Variants in ATP2C1 observed in about 807,000 individuals in gnomAD.
The protein encoded by ATP2C1 is ATPase secretory pathway Ca2+ transporting 1, also known as calcium-transporting ATPase type 2C member 1.
Under a neutral mutation model 120.5 loss-of-function variants are expected in ATP2C1, and 31 were observed. The observed-to-expected ratio is 0.26, with a 90% CI of 0.19 to 0.35. The LOEUF (loss-of-function observed/expected upper bound fraction) is 0.35. ATP2C1 is among the 10% of genes least tolerant of loss of function. The pLI, the probability that ATP2C1 is intolerant of heterozygous loss-of-function variation, is 1.00. For synonymous variants in ATP2C1, 351 were observed against 358.7 expected (o/e 0.98, Z 0.24); for missense variants, 731 against 1,107.5 (o/e 0.66, Z 4.83).
At chr3:130,865,495 G>A (rs377448149) in intron 1 of ATP2C1, among the ~76,000 whole-genome samples, 1 of 152,144 alleles carries the variant, frequency 6.6e-6, no homozygotes, top group Non-Finnish European at 1.5e-5. Flanking sequence ...GAGGGCCCAG[G>A]AGCAGAATAA....
intron 27 of ATP2C1, 42 bp from the exon 28 acceptor site, chr3:131,001,178 A>T (rs771145887): frequency 6.4e-7 from 1 of 1,564,768 alleles, no homozygotes; most frequent in African/African-American, 1.4e-5. Flanking sequence ...TGCAACTGTA[A>T]GTTTCAAAGA....
intron 2 of ATP2C1, among the ~76,000 whole-genome samples, chr3:130,912,410 AAAAC>A (rs1454758722): frequency 1.2e-3 from 176 of 151,894 alleles, no homozygotes; most frequent in African/African-American, 4.1e-3. Flanking sequence ...TTACAAGAAA[AAAAC>A]AAACAACCCC....
intron 4 of ATP2C1, 55 bp from the exon 5 acceptor site, chr3:130,934,567 G>T (rs907223608): frequency 5.6e-5 from 64 of 1,146,338 alleles, no homozygotes; most frequent in Non-Finnish European, 7.1e-5. Context: ...AGCCTTTGCT[G>T]AGAGAACTGT....
At chr3:130,911,096 T>C (rs1260523964) in intron 2 of ATP2C1, among the ~76,000 whole-genome samples, 1 of 151,702 alleles carries the variant, frequency 6.6e-6, no homozygotes, top group Non-Finnish European at 1.5e-5. Context: ...TTTTGGTTGG[T>C]AAACTATTGA....
intron 17 of ATP2C1, among the ~76,000 whole-genome samples, chr3:130,974,097 C>G (rs1158772224): frequency 6.6e-6 from 1 of 152,088 alleles, no homozygotes; most frequent in Non-Finnish European, 1.5e-5. Flanking sequence ...TTATCTGCTT[C>G]TTTGTTGTTG....
At chr3:130,917,894 A>G (rs946678576) in intron 2 of ATP2C1, among the ~76,000 whole-genome samples, 68 of 151,274 alleles carry the variant, frequency 4.5e-4, no homozygotes, top group African/African-American at 1.6e-3. Flanking sequence ...TTATGCAGTC[A>G]TTTGTCTTTT....
intron 1 of ATP2C1, among the ~76,000 whole-genome samples, chr3:130,864,296 G>A (rs1237882780): frequency 6.6e-6 from 1 of 152,162 alleles, no homozygotes; most frequent in Non-Finnish European, 1.5e-5. Flanking sequence ...AGATGATTTA[G>A]GGTATCTGAC....
chr3:130,912,580 A>G (rs1299159548), intron 2 of ATP2C1, among the ~76,000 whole-genome samples: 6 of 138,708 alleles, frequency 4.3e-5, no homozygotes, highest in African/African-American at 5.6e-5. Context: ...TTAGAATGGC[A>G]ATCATTAAAA....
At chr3:130,877,870 A>G (rs923055218) in intron 1 of ATP2C1, among the ~76,000 whole-genome samples, 4 of 152,244 alleles carry the variant, frequency 2.6e-5, no homozygotes, top group Non-Finnish European at 4.4e-5. Context: ...TCACAATAGC[A>G]AAGACTTGGA....
chr3:130,996,241 A>G (rs2062616674), intron 23 of ATP2C1, 130 bp downstream of exon 23: 1 of 757,600 alleles, frequency 1.3e-6, no homozygotes, highest in African/African-American at 1.8e-5. Flanking sequence ...AGTTTTCCAA[A>G]AAGAAAATTT....
intron 1 of ATP2C1, among the ~76,000 whole-genome samples, chr3:130,887,354 C>A (rs990736305): frequency 6.6e-6 from 1 of 152,126 alleles, no homozygotes; most frequent in African/African-American, 2.4e-5. Context: ...CACTCAAGTC[C>A]CTAGGGCTCT....
chr3:130,854,818 A>G (rs1466957421), intron 1 of ATP2C1, among the ~76,000 whole-genome samples: 1 of 152,142 alleles, frequency 6.6e-6, no homozygotes, highest in African/African-American at 2.4e-5. Flanking sequence ...GGTTTCAAAC[A>G]CCTATTTGCT....
At chr3:130,937,397 T>G in intron 5 of ATP2C1, 31 bp from the exon 6 acceptor site, 1 of 1,600,730 alleles carries the variant, frequency 6.2e-7, no homozygotes. Context: ...CAAGTTAATG[T>G]CTGATTTAAA....
chr3:131,000,841 G>A (rs1350207363), intron 27 of ATP2C1, among the ~76,000 whole-genome samples: 3 of 152,082 alleles, frequency 2.0e-5, no homozygotes, highest in Admixed American at 6.5e-5. Context: ...CATGCCTCAC[G>A]CCAGTAATCC....
chr3:130,857,456 C>T (rs115493446), intron 1 of ATP2C1, among the ~76,000 whole-genome samples: 1,587 of 152,284 alleles, frequency 0.01, 28 homozygotes, highest in African/African-American at 0.035. Context: ...TTCAATTCTA[C>T]CCCTAAAAAA....
At chr3:130,861,864 T>A (rs1009260330) in intron 1 of ATP2C1, among the ~76,000 whole-genome samples, 1 of 152,188 alleles carries the variant, frequency 6.6e-6, no homozygotes, top group Non-Finnish European at 1.5e-5. Context: ...TTTTTACCAA[T>A]TAAAAATTAA....
chr3:130,952,212 A>G (rs1158637688), intron 8 of ATP2C1, among the ~76,000 whole-genome samples: 2 of 152,160 alleles, frequency 1.3e-5, no homozygotes, highest in Admixed American at 1.3e-4. Flanking sequence ...CTTGTTTAAA[A>G]TCACTTTCCC....
In ATP2C1 at chr3:130,894,153, C is replaced by CCA; in HGVS notation, c.-365_-364insCA. The CCA allele has an allele frequency of 1.6e-6, 1 of 636,390 alleles. No individual in the cohort carries two copies. The highest frequency in any genetic ancestry group is 2.0e-6 in the Non-Finnish European group (1 of 510,956). 39.4% of individuals were successfully genotyped at this position (636,390 alleles called of 1,614,324 possible). ...GTCCCCTCACCTCCTCTTCTCTCCC[C>CCA]TCCCCGCCCGCCCTCTCTCCCTCCC... is the stretch of plus-strand genomic sequence containing the variant. On this transcript the variant is annotated 5_prime_UTR_variant, in exon 1 of 28. Transcript: ENST00000510168. The surrounding 1 kb of genome is among the most constrained non-coding windows in gnomAD (Gnocchi z 4.5).
chr3:130,856,798 G>A (rs2067855087), intron 1 of ATP2C1, among the ~76,000 whole-genome samples: 1 of 152,150 alleles, frequency 6.6e-6, no homozygotes, highest in African/African-American at 2.4e-5. Flanking sequence ...AAAAATTTCA[G>A]TCCTTCACAA....
Sources: gnomAD v4.1 joint callset for allele counts (sites outside exome capture counted in the v4.1 genomes callset) on GRCh38, gnomAD v4.1.1 for gene constraint, Gnocchi (gnomAD v3.1) non-coding constraint, MANE v1.5 for transcripts, NCBI Gene and HGNC (gene_info 2026-07-23, HGNC 2026-07-21) for gene names.